Variants in RHD observed in about 807,000 individuals in gnomAD.
The protein encoded by RHD is Rh blood group D antigen, also known as blood group Rh(D) polypeptide.
RHD carries 16 observed loss-of-function variants against 45.5 expected under a neutral mutation model. The observed-to-expected ratio is 0.35, with a 90% CI of 0.24 to 0.53. The LOEUF (loss-of-function observed/expected upper bound fraction) is 0.53, where lower values mean the gene tolerates loss of function less well. Ranked by LOEUF, RHD falls within the 20% of genes least tolerant of loss-of-function variation. RHD has a pLI of 0.92. For missense variants in RHD, 306 were observed against 532.0 expected (o/e 0.58, Z 4.18); for synonymous variants, 131 against 217.5 (o/e 0.60, Z 3.50).
chr1:25,296,009 C>G (rs541190795), intron 3 of RHD, among the ~76,000 whole-genome samples: 1,518 of 117,856 alleles, frequency 0.013, 184 homozygotes, highest in African/African-American at 0.041. Context: ...ATTACAGGCA[C>G]ACACCACCAC....
Position 25,289,789 on chromosome 1 carries a change from GGCTCATGGTGTA to G in RHD, c.336-849_336-838del, listed in dbSNP as rs1201984954. Among the ~76,000 whole-genome samples, 3 of 127,926 alleles carry G rather than the reference GGCTCATGGTGTA, an allele frequency of 2.3e-5. 1 individual carries two copies. Among genetic ancestry groups the G allele is most frequent in the Non-Finnish European group, 5.5e-5 (3 of 54,764 alleles). 83.9% of individuals were successfully genotyped at this position (127,926 alleles called of 152,430 possible). A position where few individuals can be genotyped will look rare whatever the true frequency, so the allele number is the denominator to read the frequency against. On this transcript the variant is annotated intron_variant, in intron 2 of 9. Transcript: ENST00000328664. ...ATATCACAGATATTCTTAGTTGACA[GGCTCATGGTGTA>G]GCCTGTCTAGATCATAAGTACATTT...
In RHD at chr1:25,292,969, C is replaced by A. The variant is rs1170421417; in HGVS notation, c.486+2178C>A. On this transcript the variant is annotated intron_variant, in intron 3 of 9. Coordinates refer to ENST00000328664, the MANE Select transcript of RHD (RefSeq NM_016124.6). ...CAGGAGAGCGTGAGGTCCTGGAAGG[C>A]AAGGAAAGAGAGGGCCCCAGGTGGG... Among the ~76,000 whole-genome samples the A allele has an allele frequency of 1.4e-4, 18 of 124,376 alleles. 3 individuals are homozygous for A. The highest frequency in any genetic ancestry group is 2.4e-4 in the Admixed American group (3 of 12,608). The allele number at this position is 124,376 out of a possible 152,430, so 81.6% of individuals were successfully genotyped here. A position where few individuals can be genotyped will look rare whatever the true frequency, so the allele number is the denominator to read the frequency against.
rs757004958 is a variant in RHD at position 25,283,219 on chromosome 1, C to A, written c.149-1354C>A. On this transcript the variant is annotated intron_variant, in intron 1 of 9. Transcript: ENST00000328664. ...TGGTAGTCTAAGGCACAGGCTCCAG[C>A]AGATTATCTAGGTGTAAATCTTGGC... 2.3e-5 allele frequency among the ~76,000 whole-genome samples: 3 copies of A among 132,144 alleles called. 1 individual carries two copies. The highest frequency in any genetic ancestry group is 5.4e-5 in the Non-Finnish European group (3 of 55,772). 86.7% of individuals were successfully genotyped at this position (132,144 alleles called of 152,430 possible). A position where few individuals can be genotyped will look rare whatever the true frequency, so the allele number is the denominator to read the frequency against.
Position 25,322,401 on chromosome 1 carries a change from G to A in RHD, c.1227+439G>A, listed in dbSNP as rs1162801480. Among the ~76,000 whole-genome samples the A allele has an allele frequency of 9.8e-5, 13 of 133,270 alleles. 5 individuals are homozygous for A. Among genetic ancestry groups the A allele is most frequent in the African/African-American group, 2.5e-4 (10 of 39,248 alleles). The allele number at this position is 133,270 out of a possible 152,430, so 87.4% of individuals were successfully genotyped here. A position where few individuals can be genotyped will look rare whatever the true frequency, so the allele number is the denominator to read the frequency against. On this transcript the variant is annotated intron_variant, in intron 9 of 9. Transcript: ENST00000328664. The stretch of plus-strand genomic sequence containing the variant: ...CAAGATCTTACAACTGGCTGGGCAC[G>A]GTGGCTCACGCCTGTGATCCCAGCA...
intron 4 of RHD, 125 bp downstream of exon 4, chr1:25,301,218 T>C: frequency 2.0e-6 from 2 of 979,348 alleles, no homozygotes; most frequent in Non-Finnish European, 3.2e-6. Context: ...CCTTCCATCA[T>C]GATTCATTTC....
intron 7 of RHD, among the ~76,000 whole-genome samples, chr1:25,308,894 A>G (rs1643990484): frequency 7.6e-6 from 1 of 131,326 alleles, no homozygotes; most frequent in Admixed American, 7.4e-5. Context: ...AACTCTCTAA[A>G]TCTCAGTTTT....
At chr1:25,273,128 C>T (rs1367877614) in intron 1 of RHD, among the ~76,000 whole-genome samples, 1 of 129,074 alleles carries the variant, frequency 7.7e-6, no homozygotes, top group Non-Finnish European at 1.8e-5. Context: ...TTTTTGTGGC[C>T]TCTCGCTCAT....
Position 25,321,528 on chromosome 1 carries a change from G to C in RHD, c.1154-361G>C, listed in dbSNP as rs1644702875. ...AAAAAAAAAAAAAAAAAATTAGCTGGATGTGGTGGCAGGCGCCTATAATCT... is the reference window on the plus strand; with the variant it reads ...AAAAAAAAAAAAAAAAAATTAGCTGCATGTGGTGGCAGGCGCCTATAATCT... On this transcript the variant is annotated intron_variant, in intron 8 of 9. Coordinates refer to ENST00000328664, the MANE Select transcript of RHD (RefSeq NM_016124.6). Among the ~76,000 whole-genome samples the C allele has an allele frequency of 1.6e-5, 2 of 121,326 alleles. 1 individual carries two copies. The allele number at this position is 121,326 out of a possible 152,430, so 79.6% of individuals were successfully genotyped here. A position where few individuals can be genotyped will look rare whatever the true frequency, so the allele number is the denominator to read the frequency against.
chr1:25,285,423 C>T (rs1284399636), intron 2 of RHD, among the ~76,000 whole-genome samples: 2 of 134,842 alleles, frequency 1.5e-5, no homozygotes, highest in African/African-American at 5.1e-5. Context: ...CATGAGCCAC[C>T]GCGTCCAGCC....
chr1:25,293,766 G>A (rs1642711046), intron 3 of RHD, among the ~76,000 whole-genome samples: 1 of 132,156 alleles, frequency 7.6e-6, no homozygotes, highest in South Asian at 2.3e-4. Flanking sequence ...TTTTATTCAT[G>A]AATTAAGAGT....
intron 1 of RHD, among the ~76,000 whole-genome samples, chr1:25,279,579 C>T (rs112451407): frequency 7.7e-6 from 1 of 129,118 alleles, no homozygotes; most frequent in South Asian, 2.3e-4. Flanking sequence ...TTCCCCATCT[C>T]TAAAATGGGG....
At position 25,305,374 on chromosome 1, in the gene RHD, A is replaced by ATATTTATT. The variant is rs34347122; in HGVS notation, c.940-1189_940-1182dup. On this transcript the variant is annotated intron_variant, in intron 6 of 9. Transcript: ENST00000328664. ...TTCCTGGGCTAGTTGAGGAGTCTGG[A>ATATTTATT]TATTTATTTATTTATTTATTTATTT... Among the ~76,000 whole-genome samples the ATATTTATT allele has an allele frequency of 3.4e-3, 363 of 106,794 alleles. 27 individuals carry two copies. Among genetic ancestry groups the ATATTTATT allele is most frequent in the African/African-American group, 9.7e-3 (315 of 32,470 alleles). 70.1% of individuals were successfully genotyped at this position (106,794 alleles called of 152,430 possible).
In RHD at chr1:25,322,029, A is replaced by G. The variant is rs1159040727; in HGVS notation, c.1227+67A>G. 2.4e-5 allele frequency: 20 copies of G among 848,474 alleles called. 2 individuals are homozygous for G. The highest frequency in any genetic ancestry group is 3.8e-5 in the Non-Finnish European group (19 of 504,080). The allele number at this position is 848,474 out of a possible 1,614,324, so 52.6% of individuals were successfully genotyped here. On this transcript the variant is annotated intron_variant, in intron 9 of 9. Transcript: ENST00000328664. ...TGAACTTAAAAACATACCTGAGTAT[A>G]TATGTTGACTTGCTGTTTATGAGTA...
rs1294702566 is a variant in RHD, at chr1:25,310,845, C to T, written c.1073+4116C>T. On this transcript the variant is annotated intron_variant, in intron 7 of 9. Transcript: ENST00000328664. ...AAAATTAGCTGGGCGTGGTGGCGCA[C>T]ACCTGTAATCTCAGCTACTCAGGAG... 3.0e-5 allele frequency among the ~76,000 whole-genome samples: 4 copies of T among 131,282 alleles called. 1 individual carries two copies. Among genetic ancestry groups the T allele is most frequent in the African/African-American group, 1.0e-4 (4 of 38,406 alleles). The allele number at this position is 131,282 out of a possible 152,430, so 86.1% of individuals were successfully genotyped here.
At chr1:25,284,420 T>C (rs1433180184) in intron 1 of RHD, among the ~76,000 whole-genome samples, 153 bp from the exon 2 acceptor site, 4 of 135,404 alleles carry the variant, frequency 3.0e-5, no homozygotes, top group Non-Finnish European at 5.3e-5. Flanking sequence ...GTTGAGAACA[T>C]TGAGGCTCAA....
In RHD at chr1:25,329,347, C is replaced by A; in HGVS notation, c.*423C>A. The A allele has an allele frequency of 2.9e-6, 1 of 347,476 alleles. No homozygotes were observed. Among genetic ancestry groups the A allele is most frequent in the Non-Finnish European group, 5.6e-6 (1 of 178,864 alleles). 21.5% of individuals were successfully genotyped at this position (347,476 alleles called of 1,614,324 possible). On this transcript the variant is annotated 3_prime_UTR_variant, in exon 10 of 10. Transcript: ENST00000328664. ...GCAACCTCTACCTCCTGGGTTCAAG[C>A]AAATCTCCTGCCTCAGCCTCCAAAG...
chr1:25,292,856 T>C (rs1642631373), intron 3 of RHD, among the ~76,000 whole-genome samples: 2 of 119,608 alleles, frequency 1.7e-5, no homozygotes, highest in South Asian at 5.2e-4. Context: ...GAGGACTGAG[T>C]CCTAGAACAC....
chr1:25,299,292 G>T (rs1173925841), intron 3 of RHD, among the ~76,000 whole-genome samples: 1 of 130,260 alleles, frequency 7.7e-6, no homozygotes, highest in African/African-American at 2.6e-5. Context: ...TGAAGCAGGA[G>T]AATCGCTTGA....
chr1:25,312,920 TAAAAAAAAAAA>T (rs58027687), intron 7 of RHD, among the ~76,000 whole-genome samples: 461 of 6,852 alleles, frequency 0.067, 26 homozygotes, highest in African/African-American at 0.13. Flanking sequence ...ATCCCATCTC[TAAAAAAAAAAA>T]AAAAAAAAAA....
Sources: gnomAD v4.1 joint callset for allele counts (sites outside exome capture counted in the v4.1 genomes callset) on GRCh38, gnomAD v4.1.1 for gene constraint, MANE v1.5 for transcripts, NCBI Gene and HGNC (gene_info 2026-07-23, HGNC 2026-07-21) for gene names.